The following KLHL29 variants were observed in gnomAD, a reference collection of about 807,000 sequenced individuals.
KLHL29 encodes kelch like family member 29.
KLHL29 carries 21 observed loss-of-function variants against 80.4 expected under a neutral mutation model. That is an observed-to-expected ratio of 0.26 (90% confidence interval 0.19 to 0.38). The LOEUF is 0.38. Among genes scored for constraint, KLHL29 ranks in the 10% least tolerant of loss-of-function variants. The pLI is 1.00. For missense variants in KLHL29, 867 were observed against 1,223.9 expected (o/e 0.71, Z 4.35); for synonymous variants, 511 against 526.8 (o/e 0.97, Z 0.41).
At chr2:23,561,372 G>A (rs982331781) in intron 2 of KLHL29, among the ~76,000 whole-genome samples, 2 of 152,222 alleles carry the variant, frequency 1.3e-5, no homozygotes, top group Non-Finnish European at 2.9e-5. Context: ...CAACATGGAA[G>A]GGCCTTATGC....
intron 2 of KLHL29, among the ~76,000 whole-genome samples, chr2:23,541,786 C>CAAAAAAAAAAG (rs1666845454): frequency 8.3e-6 from 1 of 120,264 alleles, no homozygotes; most frequent in African/African-American, 3.7e-5. Flanking sequence ...AAAAAAAAAA[C>CAAAAAAAAAAG]CATAAAACTG....
intron 2 of KLHL29, among the ~76,000 whole-genome samples, chr2:23,531,197 G>A (rs1283539182): frequency 6.6e-6 from 1 of 152,222 alleles, no homozygotes; most frequent in African/African-American, 2.4e-5. Context: ...AATAGTGAGC[G>A]AAAGTCATTG....
intron 1 of KLHL29, among the ~76,000 whole-genome samples, chr2:23,402,964 T>C (rs1221175538): frequency 6.6e-6 from 1 of 150,444 alleles, no homozygotes; most frequent in Admixed American, 6.7e-5. Context: ...TGTATATATA[T>C]CTTATATGTA....
intron 1 of KLHL29, among the ~76,000 whole-genome samples, chr2:23,421,374 A>G (rs1662795374): frequency 6.6e-6 from 1 of 152,202 alleles, no homozygotes; most frequent in African/African-American, 2.4e-5. Flanking sequence ...GGGCCTCCCT[A>G]CAGAGCACAG....
intron 2 of KLHL29, among the ~76,000 whole-genome samples, chr2:23,558,317 G>T (rs1667350310): frequency 6.6e-6 from 1 of 152,144 alleles, no homozygotes; most frequent in Non-Finnish European, 1.5e-5. Flanking sequence ...TACACTGTGA[G>T]CCCCAGCTGA....
At position 23,635,488 on chromosome 2, in the gene KLHL29, C is replaced by T. The variant is rs373244019; in HGVS notation, c.286-3651C>T. Among the ~76,000 whole-genome samples, 115 of 152,334 alleles carry T rather than the reference C, an allele frequency of 7.5e-4. 1 individual carries two copies. The South Asian group carries it at 0.023, about 30-fold the overall frequency. On this transcript the variant is annotated intron_variant, in intron 3 of 13. Transcript: ENST00000486442. ...CCCCCATGGCCAGCAGGTGCCTCCC[C>T]CTCTGCGCTGCCTCACGGAGAGCTT... is the stretch of plus-strand genomic sequence containing the variant.
chr2:23,570,518 C>T (rs891332284), intron 3 of KLHL29, among the ~76,000 whole-genome samples: 5 of 152,244 alleles, frequency 3.3e-5, no homozygotes, highest in Non-Finnish European at 5.9e-5. Flanking sequence ...TCTCTGTCCC[C>T]TACTCCTGCC....
intron 3 of KLHL29, among the ~76,000 whole-genome samples, chr2:23,613,218 A>G (rs1668913019): frequency 6.6e-6 from 1 of 152,216 alleles, no homozygotes. Context: ...TTTAAACCTG[A>G]ATACATCAGT....
chr2:23,591,329 G>T (rs1326918586), intron 3 of KLHL29, among the ~76,000 whole-genome samples: 7 of 152,140 alleles, frequency 4.6e-5, no homozygotes, highest in African/African-American at 1.7e-4. Context: ...CAGTCCGCAG[G>T]CTCCTGTGTC....
rs1343708458 is a variant in KLHL29, at chr2:23,642,491, G to A, written c.581G>A (p.Gly194Glu). Residue 194 changes from glycine to glutamate, a missense_variant, in exon 5 of 14, where the codon GGG becomes GAG. Transcript: ENST00000486442. The part of the protein sequence containing the change: ...GVTPSLPPHV[G>E]PQLPLMPGHY... ...ACCCCCTCACTGCCTCCCCACGTGG[G>A]GCCCCAGCTCCCGCTGATGCCAGGC... 1 of 1,516,050 alleles carries A rather than the reference G, an allele frequency of 6.6e-7. No individual in the cohort carries two copies. 93.9% of individuals were successfully genotyped at this position (1,516,050 alleles called of 1,614,324 possible).
chr2:23,546,773 T>C (rs1666988926), intron 2 of KLHL29, among the ~76,000 whole-genome samples: 1 of 152,128 alleles, frequency 6.6e-6, no homozygotes, highest in Non-Finnish European at 1.5e-5. Flanking sequence ...TCCTTGGAAT[T>C]TGGGGGACAC....
chr2:23,584,838 G>A (rs1668077806), intron 3 of KLHL29, among the ~76,000 whole-genome samples: 1 of 152,200 alleles, frequency 6.6e-6, no homozygotes, highest in African/African-American at 2.4e-5. Context: ...CCAGGTTCAA[G>A]CGGTTCTCCT....
At chr2:23,655,350 T>C (rs1248672479) in intron 5 of KLHL29, among the ~76,000 whole-genome samples, 1 of 152,222 alleles carries the variant, frequency 6.6e-6, no homozygotes, top group Non-Finnish European at 1.5e-5. Flanking sequence ...TTGAAGTTGA[T>C]GAGGCCTATT....
Position 23,564,124 on chromosome 2 carries a change from A to G in KLHL29, c.285+1643A>G, listed in dbSNP as rs1452329336. On this transcript the variant is annotated intron_variant, in intron 3 of 13. Transcript: ENST00000486442. The stretch of plus-strand genomic sequence containing the variant: ...GAGGCTGGGCCCGGAGGCCGTCTTG[A>G]AAGTGTCTGTCCTTTTAAGGATACA... Among the ~76,000 whole-genome samples, 3 of 152,242 alleles carry G rather than the reference A, an allele frequency of 2.0e-5. No individual in the cohort carries two copies. The East Asian group carries it at 5.8e-4, about 29-fold the overall frequency.
At chr2:23,540,429 C>T (rs1015492775) in intron 2 of KLHL29, among the ~76,000 whole-genome samples, 2 of 152,220 alleles carry the variant, frequency 1.3e-5, no homozygotes, top group East Asian at 1.9e-4. Context: ...TGCAGAAAAT[C>T]GTACTGGCTA....
At chr2:23,469,105 T>C (rs750581241) in intron 1 of KLHL29, among the ~76,000 whole-genome samples, 2 of 152,226 alleles carry the variant, frequency 1.3e-5, no homozygotes, top group Admixed American at 6.5e-5. Flanking sequence ...GTTTAAATGT[T>C]ATAGCCTGGT....
intron 1 of KLHL29, among the ~76,000 whole-genome samples, chr2:23,455,193 G>A (rs752535317): frequency 2.8e-4 from 42 of 152,198 alleles, no homozygotes; most frequent in Non-Finnish European, 4.4e-4. Flanking sequence ...ACAAAATCTT[G>A]GCCCACCCAT....
chr2:23,638,964 A>G (rs1669691926), intron 3 of KLHL29, among the ~76,000 whole-genome samples, 175 bp from the exon 4 acceptor site: 1 of 152,194 alleles, frequency 6.6e-6, no homozygotes, highest in Middle Eastern at 3.2e-3. Flanking sequence ...AACCCCCTGC[A>G]ATTCCCACCA....
chr2:23,519,838 A>T (rs996236553), intron 2 of KLHL29, among the ~76,000 whole-genome samples: 1 of 152,194 alleles, frequency 6.6e-6, no homozygotes, highest in Admixed American at 6.5e-5. Context: ...CAGGTCCCAG[A>T]TAGGTGAGAC....
Sources: gnomAD v4.1 joint callset for allele counts (sites outside exome capture counted in the v4.1 genomes callset) on GRCh38, gnomAD v4.1.1 for gene constraint, MANE v1.5 for transcripts, NCBI Gene and HGNC (gene_info 2026-07-23, HGNC 2026-07-21) for gene names.